TLDC2: variants seen among roughly 807,000 people sequenced by gnomAD.
TLDC2 encodes TBC/LysM-associated domain containing 2.
A neutral mutation model predicts 27.9 loss-of-function variants in TLDC2; 23 were observed. The ratio of observed to expected loss-of-function variants is 0.82; its 90% CI spans 0.59 to 1.17. TLDC2 has a LOEUF of 1.17. TLDC2 is among the 50% of genes most tolerant of loss of function. The probability of loss-of-function intolerance (pLI) is 0.00; values close to 1 mark genes in which losing one functional copy is unlikely to be tolerated. For synonymous variants in TLDC2, 124 were observed against 107.4 expected, an observed-to-expected ratio of 1.16 and a Z score of -0.96; for missense variants, 286 against 273.4, an observed-to-expected ratio of 1.05 and a Z score of -0.32.
At chr20:36,890,238 G>A (rs1990027931) in intron 6 of TLDC2, 1 of 152,226 alleles carries the variant, frequency 6.6e-6, no homozygotes, top group African/African-American at 2.4e-5. Flanking sequence ...ATATATTCAC[G>A]AAGCTTTATT....
intron 4 of TLDC2, 67 bp from the exon 5 acceptor site, chr20:36,887,388 G>T: frequency 1.4e-6 from 2 of 1,417,142 alleles, no homozygotes; most frequent in South Asian, 2.3e-5. Context: ...CCAGTGGTTC[G>T]GGGTCAAACT....
In TLDC2 at chr20:36,894,023, G is replaced by A. The variant is rs1990145891; in HGVS notation, c.*1179G>A. 2 of 397,912 alleles carry A rather than the reference G, an allele frequency of 5.0e-6. No individual in the cohort carries two copies. Among genetic ancestry groups the A allele is most frequent in the Non-Finnish European group, 8.9e-6 (2 of 225,830 alleles). 24.6% of individuals were successfully genotyped at this position (397,912 alleles called of 1,614,324 possible). Reference sequence around the variant, plus strand: ...TGGCAGTGACTATTCTGTGGTTCTAGCTTTTGCAGGTGGCCCCAGCTCCTG... The same window carrying A: ...TGGCAGTGACTATTCTGTGGTTCTAACTTTTGCAGGTGGCCCCAGCTCCTG... On this transcript the variant is annotated 3_prime_UTR_variant, in exon 7 of 7. Coordinates refer to ENST00000217320, the MANE Select transcript of TLDC2 (RefSeq NM_080628.3).
intron 1 of TLDC2, among the ~76,000 whole-genome samples, chr20:36,876,600 G>T (rs1471960983): frequency 6.6e-6 from 1 of 152,108 alleles, no homozygotes; most frequent in Non-Finnish European, 1.5e-5. Flanking sequence ...CAAGGTCATT[G>T]TGTGGAGGCA....
chr20:36,890,428 T>C, intron 6 of TLDC2: 1 of 151,464 alleles, frequency 6.6e-6, no homozygotes, highest in African/African-American at 2.4e-5. Context: ...CTTTTCTTTC[T>C]CTCTTTCCTT....
chr20:36,876,969 A>G (rs1345482547), intron 1 of TLDC2, among the ~76,000 whole-genome samples: 1 of 152,080 alleles, frequency 6.6e-6, no homozygotes, highest in East Asian at 1.9e-4. Context: ...ATTCGCACAG[A>G]CAAACACATT....
intron 4 of TLDC2, among the ~76,000 whole-genome samples, chr20:36,881,569 C>A (rs1235222741): frequency 6.6e-6 from 1 of 152,160 alleles, no homozygotes; most frequent in African/African-American, 2.4e-5. Context: ...TTCAGTGCAT[C>A]GGCTGCTCGG....
rs150132663 is a variant in TLDC2 at position 36,879,145 on chromosome 20, G to A, written c.294G>A (p.Glu98=). The A allele has an allele frequency of 6.2e-7, 1 of 1,614,050 alleles. No individual in the cohort carries two copies. The highest frequency in any genetic ancestry group is 1.7e-5 in the Admixed American group (1 of 60,024). ...FSLQSLYRRM[E]GCSGPVLLVL... ...TGCAGAGCCTGTACCGGCGGATGGA[G>A]GGCTGCAGCGGGCCAGTGCTGCTGG... Residue 98 remains glutamate (E), a synonymous_variant, in exon 3 of 7, where the codon GAG becomes GAA. Transcript: ENST00000217320.
intron 4 of TLDC2, among the ~76,000 whole-genome samples, chr20:36,883,309 G>T (rs1030856946): frequency 6.6e-6 from 1 of 151,878 alleles, no homozygotes; most frequent in African/African-American, 2.4e-5. Flanking sequence ...GCTGATTTTT[G>T]TATTTTTTGT....
chr20:36,877,860 C>T, intron 1 of TLDC2, 39 bp from the exon 2 acceptor site: 1 of 1,579,352 alleles, frequency 6.3e-7, no homozygotes. Flanking sequence ...CTGGGACCTC[C>T]TGTCCCTGGA....
At chr20:36,877,691 T>C (rs1291122) in intron 1 of TLDC2, among the ~76,000 whole-genome samples, 150,312 of 152,262 alleles carry the variant, frequency 0.99, 74,198 homozygotes, top group East Asian at 1. Context: ...AGCCCTCAGC[T>C]GGCAGGGGCC....
At position 36,876,298 on chromosome 20, in the gene TLDC2, C is replaced by A. The variant is rs955320120; in HGVS notation, c.33+91C>A. The stretch of plus-strand genomic sequence containing the variant: ...GTGGGGCCTGGGCTAGGGTTGGATG[C>A]GGGCAGTGACTTGTTCCCCTCTCAA... On this transcript the variant is annotated intron_variant, in intron 1 of 6. Coordinates refer to ENST00000217320, the MANE Select transcript of TLDC2 (RefSeq NM_080628.3). The A allele has an allele frequency of 6.5e-6, 10 of 1,541,542 alleles. No individual in the cohort carries two copies. The African/African-American group carries it at 1.2e-4, about 19-fold the overall frequency.
At chr20:36,877,190 G>A (rs1055945100) in intron 1 of TLDC2, among the ~76,000 whole-genome samples, 1 of 152,010 alleles carries the variant, frequency 6.6e-6, no homozygotes, top group Non-Finnish European at 1.5e-5. Flanking sequence ...AGACCAGCCT[G>A]GCCAACAGGA....
intron 3 of TLDC2, among the ~76,000 whole-genome samples, chr20:36,880,073 A>ATATATATATG (rs1568748400): frequency 2.5e-5 from 1 of 40,574 alleles, no homozygotes; most frequent in African/African-American, 6.0e-5. Context: ...ATATATACAT[A>ATATATATATG]TATATATATA....
chr20:36,893,264 G>A lies in TLDC2; in HGVS notation c.*420G>A. 1.5e-6 allele frequency: 1 copy of A among 648,068 alleles called. No homozygotes were observed. The highest frequency in any genetic ancestry group is 2.7e-5 in the Admixed American group (1 of 36,700). 40.1% of individuals were successfully genotyped at this position (648,068 alleles called of 1,614,324 possible). On this transcript the variant is annotated 3_prime_UTR_variant, in exon 7 of 7. Coordinates refer to ENST00000217320, the MANE Select transcript of TLDC2 (RefSeq NM_080628.3). Reference sequence around the variant, plus strand: ...GAAACACTACAGTCTTACGCAGGAAGAGCCTTCATGAAAACAGCCACTGGC... The same window carrying A: ...GAAACACTACAGTCTTACGCAGGAAAAGCCTTCATGAAAACAGCCACTGGC...
chr20:36,894,207 T>C lies in TLDC2; in HGVS notation c.*1363T>C, dbSNP rs1477441858. On this transcript the variant is annotated 3_prime_UTR_variant, in exon 7 of 7. Transcript: ENST00000217320. ...TTGAACTACACTGGATCTGACTTGA[T>C]AGAACTATTAAAAATAGTTTTTAAA... 1 of 355,058 alleles carries C rather than the reference T, an allele frequency of 2.8e-6. No homozygotes were observed. The highest frequency in any genetic ancestry group is 5.0e-6 in the Non-Finnish European group (1 of 200,190). 22.0% of individuals were successfully genotyped at this position (355,058 alleles called of 1,614,324 possible).
At chr20:36,876,474 G>T (rs892143066) in intron 1 of TLDC2, among the ~76,000 whole-genome samples, 22 of 152,300 alleles carry the variant, frequency 1.4e-4, no homozygotes, top group Admixed American at 4.6e-4. Flanking sequence ...TCTGTTCAGA[G>T]CCACACACAG....
chr20:36,877,397 G>A (rs58238930), intron 1 of TLDC2, among the ~76,000 whole-genome samples: 41,324 of 142,930 alleles, frequency 0.29, 6,381 homozygotes, highest in Middle Eastern at 0.33. Context: ...AAAAAAAAAA[G>A]GAAAAAGAAA....
intron 4 of TLDC2, among the ~76,000 whole-genome samples, chr20:36,886,614 T>C (rs1989927591): frequency 6.6e-6 from 1 of 151,974 alleles, no homozygotes; most frequent in East Asian, 1.9e-4. Context: ...AAAAAAATTT[T>C]TTTTAGAGAT....
rs1421794958 is a variant in TLDC2 at position 36,894,186 on chromosome 20, A to G, written c.*1342A>G. ...CCCCATGTTAAATTTTTTCTGTTGA[A>G]CTACACTGGATCTGACTTGATAGAA... On this transcript the variant is annotated 3_prime_UTR_variant, in exon 7 of 7. Coordinates refer to ENST00000217320, the MANE Select transcript of TLDC2 (RefSeq NM_080628.3). The G allele has an allele frequency of 7.9e-6, 3 of 381,202 alleles. No homozygotes were observed. Among genetic ancestry groups the G allele is most frequent in the Non-Finnish European group, 1.4e-5 (3 of 216,170 alleles). The allele number at this position is 381,202 out of a possible 1,614,324, so 23.6% of individuals were successfully genotyped here. A position where few individuals can be genotyped will look rare whatever the true frequency, so the allele number is the denominator to read the frequency against.
Sources: allele counts gnomAD v4.1 joint callset (sites outside exome capture counted in the v4.1 genomes callset), GRCh38; gene constraint gnomAD v4.1.1; transcripts MANE v1.5; gene names NCBI Gene and HGNC (gene_info 2026-07-23, HGNC 2026-07-21).